Variants in ALG13 observed in about 807,000 individuals in gnomAD.
ALG13 encodes UDP-N-acetylglucosamine transferase subunit ALG13.
ALG13 carries 11 observed loss-of-function variants against 87.8 expected under a neutral mutation model. That is an observed-to-expected ratio of 0.13 (90% CI 0.08 to 0.21). The LOEUF (loss-of-function observed/expected upper bound fraction) is 0.21, where lower values mean the gene tolerates loss of function less well. Ranked by LOEUF, ALG13 falls within the 10% of genes least tolerant of loss-of-function variation. The pLI, the probability that ALG13 is intolerant of heterozygous loss-of-function variation, is 1.00. For missense variants in ALG13, 756 were observed against 866.1 expected, an observed-to-expected ratio of 0.87 and a Z score of 1.60; for synonymous variants, 320 against 306.3, an observed-to-expected ratio of 1.04 and a Z score of -0.47.
At chrX:111,695,405 C>G (rs1418605683) in intron 3 of ALG13, among the ~76,000 whole-genome samples, 1 of 109,884 alleles carries the variant, frequency 9.1e-6, no homozygotes, top group Non-Finnish European at 1.9e-5. Context: ...TGCCTGTAAT[C>G]CCAGTCGCTC....
chrX:111,719,509 A>G lies in ALG13; in HGVS notation c.1251-586A>G, dbSNP rs1310727061. Reference sequence around the variant, plus strand: ...GTAGCAATGTTACTACAAACTTGCCAGCTTAAAACAGCACATTTTTCTCAC... The same window carrying G: ...GTAGCAATGTTACTACAAACTTGCCGGCTTAAAACAGCACATTTTTCTCAC... On this transcript the variant is annotated intron_variant, in intron 10 of 26. Coordinates refer to ENST00000394780, the MANE Select transcript of ALG13 (RefSeq NM_001099922.3). Among the ~76,000 whole-genome samples, 4 of 112,463 alleles carry G rather than the reference A, an allele frequency of 3.6e-5. No homozygotes were observed. In the Admixed American group the frequency reaches 3.8e-4, roughly 11 times the overall value.
intron 24 of ALG13, among the ~76,000 whole-genome samples, chrX:111,747,974 G>C (rs1049662326): frequency 8.9e-6 from 1 of 112,155 alleles, no homozygotes. Flanking sequence ...TATTGTCAGT[G>C]TTCTGGATTT....
chrX:111,687,008 A>C (rs1284552987), intron 3 of ALG13, among the ~76,000 whole-genome samples: 1 of 111,581 alleles, frequency 9.0e-6, no homozygotes, highest in African/African-American at 3.3e-5. Context: ...CCCAGGCTGG[A>C]GTGCAATGGT....
chrX:111,757,493 A>ATTT, intron 25 of ALG13, 95 bp from the exon 26 acceptor site: 30 of 543,159 alleles, frequency 5.5e-5, no homozygotes, highest in Non-Finnish European at 6.7e-5. Context: ...CCCAATTCTT[A>ATTT]TTTTTTTTTT....
In ALG13 at chrX:111,730,596, T is replaced by C. The variant is rs775568675; in HGVS notation, c.2457+16T>C. On this transcript the variant is annotated intron_variant, in intron 21 of 26. Transcript: ENST00000394780. ...AGCAAACTTGGTAGGTATTTAATAATAGCAAAGAGTTATAGCTCCTACTAT... is the reference window on the plus strand; with the variant it reads ...AGCAAACTTGGTAGGTATTTAATAACAGCAAAGAGTTATAGCTCCTACTAT... The C allele has an allele frequency of 5.5e-5, 63 of 1,140,922 alleles. No homozygotes were observed. The highest frequency in any genetic ancestry group is 7.2e-5 in the Non-Finnish European group (61 of 847,356). The allele number at this position is 1,140,922 out of a possible 1,213,427, so 94.0% of individuals were successfully genotyped here.
intron 3 of ALG13, among the ~76,000 whole-genome samples, chrX:111,696,250 TAAAG>T (rs1248654420): frequency 9.0e-6 from 1 of 111,595 alleles, no homozygotes; most frequent in African/African-American, 3.3e-5. Context: ...TTTGACCACT[TAAAG>T]GAAGGTGTTA....
intron 26 of ALG13, among the ~76,000 whole-genome samples, chrX:111,759,096 G>A (rs924972493): frequency 5.5e-5 from 6 of 108,898 alleles, no homozygotes; most frequent in Non-Finnish European, 1.1e-4. Context: ...TAACTATGAG[G>A]CAGTGGCAGT....
chrX:111,693,266 T>A (rs1001860531), intron 3 of ALG13, among the ~76,000 whole-genome samples: 4 of 106,641 alleles, frequency 3.8e-5, no homozygotes, highest in African/African-American at 1.4e-4. Context: ...ATTTATTTTT[T>A]TTTTTTTTAA....
chrX:111,697,604 A>G (rs944750522), intron 3 of ALG13, among the ~76,000 whole-genome samples: 2 of 112,166 alleles, frequency 1.8e-5, no homozygotes, highest in Non-Finnish European at 3.8e-5. Flanking sequence ...ATTTCAAAGG[A>G]CAGTATTAAA....
intron 24 of ALG13, among the ~76,000 whole-genome samples, chrX:111,746,014 A>G (rs895532935): frequency 1.8e-5 from 2 of 111,732 alleles, no homozygotes; most frequent in African/African-American, 6.5e-5. Context: ...CTTAGATTCT[A>G]TCATTAACAT....
Position 111,722,773 on chromosome X carries a change from T to C in ALG13, c.1436-20T>C. The C allele has an allele frequency of 8.9e-7, 1 of 1,125,816 alleles. No individual in the cohort carries two copies. The highest frequency in any genetic ancestry group is 2.0e-5 in the South Asian group (1 of 51,274). The allele number at this position is 1,125,816 out of a possible 1,213,427, so 92.8% of individuals were successfully genotyped here. A position where few individuals can be genotyped will look rare whatever the true frequency, so the allele number is the denominator to read the frequency against. Reference sequence around the variant, plus strand: ...AGGAACCAGTTTAGTTGAGCTTGAATCTTCATTTTCTTTTAATAGAACTTC... The same window carrying C: ...AGGAACCAGTTTAGTTGAGCTTGAACCTTCATTTTCTTTTAATAGAACTTC... On this transcript the variant is annotated intron_variant, in intron 12 of 26. Transcript: ENST00000394780.
At chrX:111,724,240 A>T (rs762267543) in intron 14 of ALG13, among the ~76,000 whole-genome samples, 1 of 112,166 alleles carries the variant, frequency 8.9e-6, no homozygotes, top group East Asian at 2.8e-4. Context: ...GTCTTTCTCA[A>T]ACTTTACCAT....
At chrX:111,758,943 T>C (rs888727955) in intron 26 of ALG13, among the ~76,000 whole-genome samples, 2 of 111,382 alleles carry the variant, frequency 1.8e-5, no homozygotes, top group Non-Finnish European at 3.8e-5. Flanking sequence ...TGGGACCTTA[T>C]GTATAAGTAT....
chrX:111,749,390 T>C (rs1944515664), intron 24 of ALG13, among the ~76,000 whole-genome samples: 2 of 110,823 alleles, frequency 1.8e-5, no homozygotes, highest in Non-Finnish European at 3.8e-5. Flanking sequence ...GTGCCCTCTT[T>C]TGTTGCATTG....
intron 8 of ALG13, among the ~76,000 whole-genome samples, chrX:111,716,375 T>C (rs766102041): frequency 7.1e-5 from 8 of 112,035 alleles, no homozygotes; most frequent in Non-Finnish European, 1.3e-4. Context: ...AGAGAAATTA[T>C]ATAGTTGTCT....
chrX:111,750,141 G>C (rs982070484), intron 24 of ALG13, among the ~76,000 whole-genome samples: 1 of 111,021 alleles, frequency 9.0e-6, no homozygotes, highest in East Asian at 2.8e-4. Flanking sequence ...CTTTGCTGGC[G>C]TGGTGCTTCA....
intron 7 of ALG13, 26 bp from the exon 8 acceptor site, chrX:111,713,193 TCTTCCC>T (rs1180283016): frequency 1.9e-6 from 2 of 1,041,218 alleles, no homozygotes; most frequent in Non-Finnish European, 2.7e-6. Context: ...CCAAATTATG[TCTTCCC>T]ACTTACCTTT....
chrX:111,742,971 A>G (rs1390036203), intron 23 of ALG13, among the ~76,000 whole-genome samples: 1 of 112,187 alleles, frequency 8.9e-6, no homozygotes, highest in East Asian at 2.8e-4. Flanking sequence ...TGAGAAGCTC[A>G]TGCATCTCTA....
intron 1 of ALG13, chrX:111,681,713 C>G (rs1221271554): frequency 4.7e-6 from 4 of 842,483 alleles, no homozygotes; most frequent in Admixed American, 6.8e-5. Context: ...CTGAGCCAGC[C>G]GAGCTCGCCT....
Sources: gnomAD v4.1 joint callset for allele counts (sites outside exome capture counted in the v4.1 genomes callset) on GRCh38, gnomAD v4.1.1 for gene constraint, MANE v1.5 for transcripts, NCBI Gene and HGNC (gene_info 2026-07-23, HGNC 2026-07-21) for gene names.